Variants in MEGF6 observed in about 807,000 individuals in gnomAD.
The protein encoded by MEGF6 is multiple EGF like domains 6, also known as multiple epidermal growth factor-like domains protein 6.
Under a neutral mutation model 207.1 loss-of-function variants are expected in MEGF6, and 184 were observed. That is an observed-to-expected ratio of 0.89 (90% CI 0.79 to 1.00). The LOEUF (loss-of-function observed/expected upper bound fraction) is 1.00. MEGF6 is among the 50% of genes least tolerant of loss of function. The pLI is 0.00. For missense variants in MEGF6, 2,282 were observed against 2,202.9 expected (o/e 1.04, Z -0.72); for synonymous variants, 1,038 against 910.0 (o/e 1.14, Z -2.53).
At chr1:3,533,464 C>T (rs1163305990) in intron 4 of MEGF6, among the ~76,000 whole-genome samples, 1 of 152,254 alleles carries the variant, frequency 6.6e-6, no homozygotes, top group Non-Finnish European at 1.5e-5. Flanking sequence ...ATGTGCAACT[C>T]ATTGCCAACA....
chr1:3,508,884 C>T (rs182765517), intron 12 of MEGF6, among the ~76,000 whole-genome samples, 191 bp downstream of exon 12: 26 of 152,290 alleles, frequency 1.7e-4, no homozygotes, highest in African/African-American at 6.0e-4. Context: ...AGCCCGGTCC[C>T]GCCCGGCTCA....
Position 3,556,231 on chromosome 1 carries a change from G to A in MEGF6, c.481+23594C>T, listed in dbSNP as rs1382863614. Reference sequence around the variant, plus strand: ...CCGTCAGGATTTCCCAGGATGGGGAGTGGGGCAGGGTCCCCATACATAACC... The same window carrying A: ...CCGTCAGGATTTCCCAGGATGGGGAATGGGGCAGGGTCCCCATACATAACC... On this transcript the variant is annotated intron_variant, in intron 4 of 36. Coordinates refer to ENST00000356575, the MANE Select transcript of MEGF6 (RefSeq NM_001409.4). The surrounding 1 kb of genome is among the most constrained non-coding windows in gnomAD (Gnocchi z 4.4). 2.6e-5 allele frequency among the ~76,000 whole-genome samples: 4 copies of A among 152,258 alleles called. No homozygotes were observed. The highest frequency in any genetic ancestry group is 5.9e-5 in the Non-Finnish European group (4 of 68,044).
chr1:3,511,155 A>C (rs1641332051), intron 9 of MEGF6, among the ~76,000 whole-genome samples: 1 of 152,192 alleles, frequency 6.6e-6, no homozygotes, highest in African/African-American at 2.4e-5. Context: ...TCACAGCCCC[A>C]GGGCCACCCG....
chr1:3,509,341 G>C, intron 11 of MEGF6, 96 bp from the exon 12 acceptor site: 5 of 1,138,110 alleles, frequency 4.4e-6, no homozygotes, highest in Non-Finnish European at 5.8e-6. Flanking sequence ...CCCACCCCAG[G>C]GAACCCCACC....
chr1:3,492,523 C>T (rs1557709881), intron 35 of MEGF6, 116 bp downstream of exon 35: 1 of 1,437,038 alleles, frequency 7.0e-7, no homozygotes, highest in East Asian at 2.3e-5. Context: ...TCTGAATAGC[C>T]ATAGGGTGAC....
At position 3,498,354 on chromosome 1, in the gene MEGF6, T is replaced by C. The variant is rs748324604; in HGVS notation, c.3352+17A>G. On this transcript the variant is annotated intron_variant, in intron 26 of 36. Coordinates refer to ENST00000356575, the MANE Select transcript of MEGF6 (RefSeq NM_001409.4). The stretch of plus-strand genomic sequence containing the variant: ...CAGCAGGGCCTGCAGACCCCCCTGC[T>C]GCCCCGCCCCACTCACGGCTCTGAC... 5.7e-6 allele frequency: 9 copies of C among 1,592,064 alleles called. No individual in the cohort carries two copies. Among genetic ancestry groups the C allele is most frequent in the East Asian group, 2.2e-5 (1 of 44,528 alleles).
At chr1:3,596,351 G>A (rs1041537204) in intron 2 of MEGF6, among the ~76,000 whole-genome samples, 7 of 151,954 alleles carry the variant, frequency 4.6e-5, no homozygotes, top group African/African-American at 1.5e-4. Flanking sequence ...GCTACCCAGA[G>A]GACATGACGT....
intron 3 of MEGF6, among the ~76,000 whole-genome samples, chr1:3,592,500 C>T (rs914112055): frequency 1.3e-5 from 2 of 152,186 alleles, no homozygotes; most frequent in Non-Finnish European, 2.9e-5. Context: ...CAGTCAGCAT[C>T]CCAGCCATGA....
At chr1:3,598,719 C>T (rs1036587997) in intron 2 of MEGF6, among the ~76,000 whole-genome samples, 3 of 126,126 alleles carry the variant, frequency 2.4e-5, no homozygotes, top group Non-Finnish European at 5.3e-5. Context: ...TAACGAGCCC[C>T]CCCCCCCCCC....
rs116213832 is a variant in MEGF6 at position 3,551,741 on chromosome 1, T to C, written c.482-27495A>G. On this transcript the variant is annotated intron_variant, in intron 4 of 36. Coordinates refer to ENST00000356575, the MANE Select transcript of MEGF6 (RefSeq NM_001409.4). ...GGGAGCCCGAGATGGGGGAGCTGGA[T>C]GGGGGGAGCTGGATGGGGGCATCCA... Among the ~76,000 whole-genome samples the C allele has an allele frequency of 9.4e-3, 1,424 of 151,890 alleles. 9 individuals carry two copies. Among genetic ancestry groups the C allele is most frequent in the South Asian group, 0.033 (160 of 4,786 alleles).
In MEGF6 at chr1:3,573,235, C is replaced by T. The variant is rs1327564005; in HGVS notation, c.481+6590G>A. Reference sequence around the variant, plus strand: ...CCTTCCTGTGTGTGCTGGGTTCCCCCAGGTTTGCTGGGTCCTCCCAGGTGT... The same window carrying T: ...CCTTCCTGTGTGTGCTGGGTTCCCCTAGGTTTGCTGGGTCCTCCCAGGTGT... On this transcript the variant is annotated intron_variant, in intron 4 of 36. Transcript: ENST00000356575. The surrounding 1 kb of genome is among the most constrained non-coding windows in gnomAD (Gnocchi z 5.1). Among the ~76,000 whole-genome samples, 6 of 151,142 alleles carry T rather than the reference C, an allele frequency of 4.0e-5. No individual in the cohort carries two copies. Among genetic ancestry groups the T allele is most frequent in the Non-Finnish European group, 5.9e-5 (4 of 67,764 alleles).
Position 3,609,732 on chromosome 1 carries a change from G to A in MEGF6, c.131+1406C>T, listed in dbSNP as rs551309238. On this transcript the variant is annotated intron_variant, in intron 1 of 36. Transcript: ENST00000356575. Reference sequence around the variant, plus strand: ...GGACCTCCCGAGCCCAGGTGCAGAGGCAGGACACAGGAAGCAGACCCTCCA... The same window carrying A: ...GGACCTCCCGAGCCCAGGTGCAGAGACAGGACACAGGAAGCAGACCCTCCA... Among the ~76,000 whole-genome samples the A allele has an allele frequency of 3.3e-5, 5 of 152,308 alleles. No homozygotes were observed. In the East Asian group the frequency reaches 9.7e-4, roughly 29 times the overall value.
chr1:3,557,243 C>T (rs377753187), intron 4 of MEGF6, among the ~76,000 whole-genome samples: 29 of 152,342 alleles, frequency 1.9e-4, no homozygotes, highest in Admixed American at 1.2e-3. Context: ...CTACCTTCTA[C>T]GACTAGAGAT....
At chr1:3,581,195 C>G (rs1037636298) in intron 3 of MEGF6, among the ~76,000 whole-genome samples, 14 of 152,296 alleles carry the variant, frequency 9.2e-5, no homozygotes, top group African/African-American at 3.1e-4. Flanking sequence ...CAAACCTGGA[C>G]TTGGGGTCAG....
chr1:3,558,662 G>A (rs193083937), intron 4 of MEGF6, among the ~76,000 whole-genome samples: 22 of 152,336 alleles, frequency 1.4e-4, no homozygotes, highest in Admixed American at 3.3e-4. Flanking sequence ...CCAGAACTGC[G>A]TTAGGGATAA....
At chr1:3,517,467 G>A (rs921568607) in intron 5 of MEGF6, among the ~76,000 whole-genome samples, 3 of 152,242 alleles carry the variant, frequency 2.0e-5, no homozygotes, top group East Asian at 1.9e-4. Context: ...CAAGCTGTGC[G>A]CAGCCGGGAG....
chr1:3,510,001 G>A lies in MEGF6; in HGVS notation c.1235-9C>T, dbSNP rs112862638. The A allele has an allele frequency of 5.3e-5, 84 of 1,580,368 alleles. No individual in the cohort carries two copies. Among genetic ancestry groups the A allele is most frequent in the African/African-American group, 3.7e-4 (28 of 74,832 alleles). ...GGCGCACTCATCCACATCTGCGGGC[G>A]ACCCGGGACCACTGAGGCCTGTGCT... On this transcript the variant is annotated splice_polypyrimidine_tract_variant and intron_variant, in intron 10 of 36. Transcript: ENST00000356575.
chr1:3,508,742 G>A (rs1641214346), intron 12 of MEGF6, 53 bp from the exon 13 acceptor site: 2 of 1,595,668 alleles, frequency 1.3e-6, no homozygotes, highest in Middle Eastern at 1.7e-4. Context: ...GGCCTCAGCA[G>A]GCACAGAGGC....
chr1:3,616,789 C>A, the MEGF6 span, among the ~76,000 whole-genome samples: 2 of 152,218 alleles, frequency 1.3e-5, no homozygotes, highest in Admixed American at 1.3e-4. Flanking sequence ...TGGCCCCAAG[C>A]GTGGCGGGGG....
Sources: gnomAD v4.1 joint callset for allele counts (sites outside exome capture counted in the v4.1 genomes callset) on GRCh38, gnomAD v4.1.1 for gene constraint, Gnocchi (gnomAD v3.1) non-coding constraint, MANE v1.5 for transcripts, NCBI Gene and HGNC (gene_info 2026-07-23, HGNC 2026-07-21) for gene names.